The following UBE3A variants were observed in gnomAD, a reference collection of about 807,000 sequenced individuals.
The protein encoded by UBE3A is ubiquitin protein ligase E3A.
In UBE3A, 6 loss-of-function variants were observed where a neutral mutation model predicts 83.4. The observed-to-expected ratio is 0.07, with a 90% CI of 0.04 to 0.14. The LOEUF (loss-of-function observed/expected upper bound fraction) is 0.14. UBE3A is among the 10% of genes least tolerant of loss of function. The probability of loss-of-function intolerance (pLI) is 1.00; values close to 1 mark genes in which losing one functional copy is unlikely to be tolerated. For missense variants in UBE3A, 456 were observed against 1,036.1 expected (o/e 0.44, Z 7.69); for synonymous variants, 337 against 355.4 (o/e 0.95, Z 0.58).
chr15:25,350,572 T>C (rs2076353696), intron 11 of UBE3A, among the ~76,000 whole-genome samples: 1 of 152,174 alleles, frequency 6.6e-6, no homozygotes. Context: ...AATATGCACC[T>C]GCTATATGCT....
At position 25,339,763 on chromosome 15, in the gene UBE3A, C is replaced by G. The variant is rs367657441; in HGVS notation, c.2498+322G>C. 21 of 368,970 alleles carry G rather than the reference C, an allele frequency of 5.7e-5. No homozygotes were observed. The East Asian group carries it at 6.6e-4, about 12-fold the overall frequency. The allele number at this position is 368,970 out of a possible 1,614,324, so 22.9% of individuals were successfully genotyped here. ...CTAGCACAATCAAATGATAATCTTC[C>G]GAGCCTCAATGTAACCATTCTAAAT... On this transcript the variant is annotated intron_variant, in intron 12 of 12. Coordinates refer to ENST00000648336, the MANE Select transcript of UBE3A (RefSeq NM_130839.5).
rs918512770 is a variant in UBE3A at position 25,336,163 on chromosome 15, C to T, written c.*2974G>A. On this transcript the variant is annotated 3_prime_UTR_variant, in exon 13 of 13. Transcript: ENST00000648336. ...CCAGGCAATTCTTTACACACTAACA[C>T]TGTTGAGGTAAAAGGAGACAAGTGA... is the stretch of plus-strand genomic sequence containing the variant. The T allele has an allele frequency of 3.9e-5, 6 of 152,138 alleles. No individual in the cohort carries two copies. The highest frequency in any genetic ancestry group is 2.6e-4 in the Admixed American group (4 of 15,266). The allele number at this position is 152,138 out of a possible 1,614,324, so 9.4% of individuals were successfully genotyped here.
chr15:25,419,546 C>A (rs1003791776), intron 1 of UBE3A: 47 of 151,806 alleles, frequency 3.1e-4, no homozygotes, highest in African/African-American at 1.1e-3. Flanking sequence ...AAAATAACAC[C>A]AGCAACAAAC....
At chr15:25,348,200 CCTGATAAACAGATAAAT>C (rs2076001405) in intron 11 of UBE3A, among the ~76,000 whole-genome samples, 2 of 151,752 alleles carry the variant, frequency 1.3e-5, no homozygotes, top group Non-Finnish European at 2.9e-5. Context: ...TGAAACAAAA[CCTGATAAACAGATAAAT>C]CTCAGAAGCA....
chr15:25,354,776 G>A, intron 9 of UBE3A, 93 bp from the exon 10 acceptor site: 2 of 1,183,204 alleles, frequency 1.7e-6, no homozygotes, highest in Non-Finnish European at 2.4e-6. Context: ...ATTTTTCCAA[G>A]AAAAAAACAT....
At chr15:25,378,466 T>C (rs1395197981) in intron 4 of UBE3A, among the ~76,000 whole-genome samples, 2 of 152,166 alleles carry the variant, frequency 1.3e-5, no homozygotes, top group Non-Finnish European at 2.9e-5. Context: ...TAGTATTTGC[T>C]GGATGCCTGA....
chr15:25,370,511 G>T lies in UBE3A; in HGVS notation c.1608+55C>A. ...CAGTCACTTTTAAAATGAATTCACT[G>T]AACTGTATCATGATATCCCCATTAT... On this transcript the variant is annotated intron_variant, in intron 6 of 12. Coordinates refer to ENST00000648336, the MANE Select transcript of UBE3A (RefSeq NM_130839.5). The surrounding 1 kb of genome is among the most constrained non-coding windows in gnomAD (Gnocchi z 4.2). The T allele has an allele frequency of 6.3e-7, 1 of 1,598,782 alleles. No homozygotes were observed. Among genetic ancestry groups the T allele is most frequent in the Non-Finnish European group, 8.6e-7 (1 of 1,166,324 alleles).
At chr15:25,398,820 T>C (rs1045742299) in intron 4 of UBE3A, among the ~76,000 whole-genome samples, 3 of 127,162 alleles carry the variant, frequency 2.4e-5, no homozygotes, top group East Asian at 2.2e-4. Context: ...TATATAAAAA[T>C]ACATATATAT....
intron 5 of UBE3A, chr15:25,374,259 T>C (rs1406695614): frequency 1.3e-5 from 2 of 152,224 alleles, no homozygotes; most frequent in African/African-American, 2.4e-5. Flanking sequence ...GCATAAAGAC[T>C]GGATAAAGCC....
In UBE3A at chr15:25,370,591, T is replaced by C. The variant is rs2080172309; in HGVS notation, c.1583A>G (p.His528Arg). Residue 528 changes from histidine to arginine, a missense_variant, in exon 6 of 13, where the codon CAT becomes CGT. His to Arg is a conservative substitution (Grantham distance 29, BLOSUM62 0). Transcript: ENST00000648336. This position sits in a 1 kb window ranked among gnomAD's most constrained non-coding sequence, Gnocchi z 4.2. ...PYLRLKVRRD[H>R]IIDDALVRLE... ...CCGGACAAGTGCATCATCTATGATATGGTCACGTCTAACTTTGAGTCTCAA... is the reference window on the plus strand; with the variant it reads ...CCGGACAAGTGCATCATCTATGATACGGTCACGTCTAACTTTGAGTCTCAA... The C allele has an allele frequency of 6.2e-7, 1 of 1,614,030 alleles. No homozygotes were observed.
At chr15:25,387,419 G>T (rs2083361942) in intron 4 of UBE3A, among the ~76,000 whole-genome samples, 2 of 152,142 alleles carry the variant, frequency 1.3e-5, no homozygotes, top group Non-Finnish European at 2.9e-5. Context: ...CTACTTGGGA[G>T]GCTGAGGCAA....
rs2074063352 is a variant in UBE3A, at chr15:25,337,708, A to T, written c.*1429T>A. ...TCAGTCAATCAATCAATCAATCACC[A>T]AGGCACAAGCTCAGCACATTAGCTA... On this transcript the variant is annotated 3_prime_UTR_variant, in exon 13 of 13. Coordinates refer to ENST00000648336, the MANE Select transcript of UBE3A (RefSeq NM_130839.5). 1 of 151,956 alleles carries T rather than the reference A, an allele frequency of 6.6e-6. No individual in the cohort carries two copies. The highest frequency in any genetic ancestry group is 1.5e-5 in the Non-Finnish European group (1 of 67,998). The allele number at this position is 151,956 out of a possible 1,614,324, so 9.4% of individuals were successfully genotyped here. A position where few individuals can be genotyped will look rare whatever the true frequency, so the allele number is the denominator to read the frequency against.
At chr15:25,372,870 A>G (rs578013810) in intron 5 of UBE3A, among the ~76,000 whole-genome samples, 8 of 152,284 alleles carry the variant, frequency 5.3e-5, no homozygotes, top group Non-Finnish European at 8.8e-5. Context: ...TACAACATGT[A>G]GAATTTTTAA....
chr15:25,398,807 AT>A lies in UBE3A; in HGVS notation c.62+6653del, dbSNP rs1400742678. Among the ~76,000 whole-genome samples, 14 of 75,770 alleles carry A rather than the reference AT, an allele frequency of 1.8e-4. 1 individual carries two copies. Among genetic ancestry groups the A allele is most frequent in the Admixed American group, 1.5e-3 (8 of 5,492 alleles). 49.7% of individuals were successfully genotyped at this position (75,770 alleles called of 152,430 possible). On this transcript the variant is annotated intron_variant, in intron 4 of 12. Transcript: ENST00000648336. ...TATATATATATATATATATATATATATATATATAAAAATACATATATATCCA... is the reference window on the plus strand; with the variant it reads ...TATATATATATATATATATATATATAATATATAAAAATACATATATATCCA...
intron 11 of UBE3A, among the ~76,000 whole-genome samples, chr15:25,353,318 A>G (rs2076780352): frequency 6.6e-6 from 1 of 152,226 alleles, no homozygotes; most frequent in African/African-American, 2.4e-5. Flanking sequence ...AAAATAACAG[A>G]ACAAATGAAT....
chr15:25,420,672 T>C lies in UBE3A; in HGVS notation c.-164-8701A>G, dbSNP rs184674979. The C allele has an allele frequency of 3.9e-5, 6 of 152,302 alleles. No homozygotes were observed. The East Asian group carries it at 9.6e-4, about 24-fold the overall frequency. 9.4% of individuals were successfully genotyped at this position (152,302 alleles called of 1,614,324 possible). ...AGAAATTACCAAGTGTTAGAAAAGA[T>C]GCAGAGAAATTGGAACCCTTATTCA... On this transcript the variant is annotated intron_variant, in intron 1 of 12. Coordinates refer to ENST00000648336, the MANE Select transcript of UBE3A (RefSeq NM_130839.5).
At chr15:25,375,326 G>A (rs771541619) in intron 5 of UBE3A, 139 bp downstream of exon 5, 33 of 985,678 alleles carry the variant, frequency 3.3e-5, no homozygotes, top group East Asian at 7.8e-5. Context: ...ATTCCTGTCC[G>A]TTACCACAAT....
At chr15:25,412,951 A>G (rs1418891337) in intron 1 of UBE3A, 4 of 417,586 alleles carry the variant, frequency 9.6e-6, no homozygotes, top group Non-Finnish European at 1.9e-5. Flanking sequence ...TTTTTTTTTA[A>G]TTTTTTTCAG....
intron 1 of UBE3A, among the ~76,000 whole-genome samples, chr15:25,433,766 C>T (rs1016082311): frequency 6.6e-6 from 1 of 151,966 alleles, no homozygotes; most frequent in Non-Finnish European, 1.5e-5. Context: ...GACTCATGTA[C>T]AAAGACCAGT....
Sources: allele counts gnomAD v4.1 joint callset (sites outside exome capture counted in the v4.1 genomes callset), GRCh38; gene constraint gnomAD v4.1.1; non-coding constraint Gnocchi (gnomAD v3.1); transcripts MANE v1.5; gene names NCBI Gene and HGNC (gene_info 2026-07-23, HGNC 2026-07-21).